The following SMIM7 variants were observed in gnomAD, a reference collection of about 807,000 sequenced individuals.
The protein encoded by SMIM7 is small integral membrane protein 7, also known as UPF0608 protein C19orf42.
Under a neutral mutation model 13.3 loss-of-function variants are expected in SMIM7, and 12 were observed. That is an observed-to-expected ratio of 0.90 (90% CI 0.58 to 1.46). The LOEUF (loss-of-function observed/expected upper bound fraction) is 1.46, where lower values mean the gene tolerates loss of function less well. Among genes scored for constraint, SMIM7 ranks in the 40% most tolerant of loss-of-function variants. The pLI is 0.00. For synonymous variants in SMIM7, 36 were observed against 35.8 expected (o/e 1.01, Z -0.02); for missense variants, 114 against 94.8 (o/e 1.20, Z -0.84).
At chr19:16,640,592 G>A (rs996937715) in intron 4 of SMIM7, 1 of 152,208 alleles carries the variant, frequency 6.6e-6, no homozygotes, top group Non-Finnish European at 1.5e-5. Context: ...CTGTTCTGCT[G>A]TTCTGAGGAG....
chr19:16,631,700 C>T (rs1461871484), exon 5 of SMIM7: 1 of 152,180 alleles, frequency 6.6e-6, no homozygotes, highest in Non-Finnish European at 1.5e-5. Flanking sequence ...GGAATGCGCT[C>T]ATCAGACATG....
At chr19:16,632,145 G>A (rs1280794859) in intron 4 of SMIM7, among the ~76,000 whole-genome samples, 1 of 152,154 alleles carries the variant, frequency 6.6e-6, no homozygotes, top group South Asian at 2.1e-4. Context: ...TGGGATTACA[G>A]GCATGAGCCA....
intron 4 of SMIM7, among the ~76,000 whole-genome samples, chr19:16,632,138 G>C (rs2086326398): frequency 6.6e-6 from 1 of 152,076 alleles, no homozygotes; most frequent in South Asian, 2.1e-4. Context: ...AAAGTGCTGG[G>C]ATTACAGGCA....
At chr19:16,644,118 G>GTTTTTTTTTTTT (rs557600997), downstream of SMIM7, among the ~76,000 whole-genome samples, 4 of 85,430 alleles carry the variant, frequency 4.7e-5, no homozygotes, top group Admixed American at 1.4e-4. Context: ...AATTGTTTGC[G>GTTTTTTTTTTTT]TTTTTTTTTT....
chr19:16,631,185 A>T (rs1424201044), exon 5 of SMIM7: 1 of 152,142 alleles, frequency 6.6e-6, no homozygotes, highest in African/African-American at 2.4e-5. Context: ...AGGAGTTAAG[A>T]GACCAGCCTG....
intron 2 of SMIM7, 138 bp from the exon 3 acceptor site, chr19:16,659,585 C>T: frequency 2.4e-6 from 2 of 831,948 alleles, no homozygotes; most frequent in South Asian, 1.6e-5. Flanking sequence ...CTCTGACGTT[C>T]AATACCCTTC....
At chr19:16,649,280 G>A (rs2086489129) in intron 4 of SMIM7, among the ~76,000 whole-genome samples, 1 of 152,014 alleles carries the variant, frequency 6.6e-6, no homozygotes. Flanking sequence ...TGGCCAACGT[G>A]GTAAAACCCT....
At chr19:16,655,033 T>TCTAACC (rs747449263) in intron 3 of SMIM7, among the ~76,000 whole-genome samples, 4 of 152,238 alleles carry the variant, frequency 2.6e-5, no homozygotes, top group Admixed American at 1.3e-4. Context: ...AGATACTGAC[T>TCTAACC]CTAACCCTAA....
intron 4 of SMIM7, chr19:16,652,848 C>G (rs760119605): frequency 6.5e-7 from 1 of 1,549,972 alleles, no homozygotes; most frequent in African/African-American, 1.4e-5. Context: ...CAGATTCTCC[C>G]GTCGTGTCTT....
At chr19:16,639,123 T>A (rs1386008852) in intron 4 of SMIM7, among the ~76,000 whole-genome samples, 1 of 149,792 alleles carries the variant, frequency 6.7e-6, no homozygotes, top group African/African-American at 2.5e-5. Context: ...AGATGTCATT[T>A]TTTTTTTTTT....
chr19:16,656,363 AAC>A (rs935365385), intron 3 of SMIM7, among the ~76,000 whole-genome samples: 3 of 152,256 alleles, frequency 2.0e-5, no homozygotes, highest in Non-Finnish European at 4.4e-5. Context: ...ACGCCTGGGC[AAC>A]AGAGTGAGAC....
downstream of SMIM7, among the ~76,000 whole-genome samples, chr19:16,643,253 C>G (rs879935521): frequency 6.6e-6 from 1 of 152,144 alleles, no homozygotes; most frequent in Non-Finnish European, 1.5e-5. Flanking sequence ...AAGCACCACA[C>G]CTAGATGATT....
intron 4 of SMIM7, among the ~76,000 whole-genome samples, chr19:16,632,111 G>A (rs1009438905): frequency 6.6e-6 from 1 of 151,856 alleles, no homozygotes. Context: ...TTCATGATCC[G>A]CCTGCCTTGG....
At chr19:16,653,832 T>C in intron 4 of SMIM7, 2 of 549,754 alleles carry the variant, frequency 3.6e-6, no homozygotes, top group Non-Finnish European at 6.4e-6. Flanking sequence ...GAGGCCGAGG[T>C]TGCAGTGAGC....
At chr19:16,632,555 T>G (rs1438237305) in intron 4 of SMIM7, among the ~76,000 whole-genome samples, 2 of 150,676 alleles carry the variant, frequency 1.3e-5, no homozygotes, top group Admixed American at 6.6e-5. Context: ...TTTTTTTTTT[T>G]GAGGCAGAGT....
At chr19:16,638,146 A>C (rs916119321) in intron 4 of SMIM7, among the ~76,000 whole-genome samples, 1 of 151,764 alleles carries the variant, frequency 6.6e-6, no homozygotes, top group Admixed American at 6.6e-5. Context: ...ACGCACCTGT[A>C]ATCTCAGCTA....
At chr19:16,656,040 C>T (rs1048700967) in intron 3 of SMIM7, among the ~76,000 whole-genome samples, 1 of 152,176 alleles carries the variant, frequency 6.6e-6, no homozygotes, top group East Asian at 1.9e-4. Context: ...CTTCCCCTAG[C>T]GAAGGATCGT....
chr19:16,645,581 C>T (rs1219940419), downstream of SMIM7: 1 of 151,980 alleles, frequency 6.6e-6, no homozygotes, highest in East Asian at 1.9e-4. Flanking sequence ...TGACCCTGGT[C>T]TAGCAAGAGC....
intron 4 of SMIM7, among the ~76,000 whole-genome samples, chr19:16,632,353 G>A (rs1330355294): frequency 6.6e-6 from 1 of 151,916 alleles, no homozygotes. Context: ...ATAGGTAGAA[G>A]ACCTCAATTT....
Sources: allele counts gnomAD v4.1 joint callset (sites outside exome capture counted in the v4.1 genomes callset), GRCh38; gene constraint gnomAD v4.1.1; transcripts MANE v1.5; gene names NCBI Gene and HGNC (gene_info 2026-07-23, HGNC 2026-07-21).